PPFIBP2: variants seen among roughly 807,000 people sequenced by gnomAD.
The protein encoded by PPFIBP2 is liprin-beta-2.
In PPFIBP2, 118 loss-of-function variants were observed where a neutral mutation model predicts 118.3. The ratio of observed to expected loss-of-function variants is 1.00; its 90% CI spans 0.86 to 1.16. PPFIBP2 has a LOEUF of 1.16. Among genes scored for constraint, PPFIBP2 ranks in the 50% most tolerant of loss-of-function variants. The probability of loss-of-function intolerance (pLI) is 0.00; values close to 1 mark genes in which losing one functional copy is unlikely to be tolerated. For missense variants in PPFIBP2, 1,195 were observed against 1,073.1 expected (o/e 1.11, Z -1.59); for synonymous variants, 414 against 397.4 (o/e 1.04, Z -0.50).
At chr11:7,572,631 C>A (rs1855778155) in intron 3 of PPFIBP2, among the ~76,000 whole-genome samples, 1 of 152,212 alleles carries the variant, frequency 6.6e-6, no homozygotes, top group African/African-American at 2.4e-5. Context: ...TACCCTCCAC[C>A]TACAAAAGAA....
chr11:7,537,508 C>T (rs543670436), intron 1 of PPFIBP2, among the ~76,000 whole-genome samples: 4 of 152,336 alleles, frequency 2.6e-5, no homozygotes, highest in East Asian at 3.9e-4. Context: ...AATCTTAGAA[C>T]GTGTGAGTTA....
chr11:7,650,470 G>A (rs1033638833), intron 21 of PPFIBP2, among the ~76,000 whole-genome samples: 1 of 152,202 alleles, frequency 6.6e-6, no homozygotes, highest in Middle Eastern at 3.2e-3. Context: ...CCACACCAGG[G>A]AGATCTTTCA....
chr11:7,625,640 C>G, intron 7 of PPFIBP2, 137 bp from the exon 8 acceptor site: 1 of 661,466 alleles, frequency 1.5e-6, no homozygotes, highest in Non-Finnish European at 2.7e-6. Context: ...GGGCAGTGAG[C>G]CCCTGCTCCT....
chr11:7,550,121 A>T (rs1852798772), intron 2 of PPFIBP2, among the ~76,000 whole-genome samples: 1 of 152,210 alleles, frequency 6.6e-6, no homozygotes, highest in East Asian at 1.9e-4. Flanking sequence ...ATTTGAAAGG[A>T]CTATCAATTA....
At chr11:7,581,707 G>T (rs1038356164) in intron 3 of PPFIBP2, among the ~76,000 whole-genome samples, 6 of 152,164 alleles carry the variant, frequency 3.9e-5, no homozygotes, top group Admixed American at 3.9e-4. Context: ...TAAGAGCATG[G>T]ATCCTGGATC....
chr11:7,560,944 C>T (rs1357672700), intron 2 of PPFIBP2, among the ~76,000 whole-genome samples: 2 of 152,144 alleles, frequency 1.3e-5, no homozygotes, highest in Non-Finnish European at 2.9e-5. Flanking sequence ...CAGAACTGCC[C>T]ATATAAGAAC....
intron 7 of PPFIBP2, among the ~76,000 whole-genome samples, chr11:7,623,727 C>G (rs535912685): frequency 6.6e-6 from 1 of 152,162 alleles, no homozygotes; most frequent in Non-Finnish European, 1.5e-5. Context: ...CTAACAGAGA[C>G]GAGTGCCCAT....
chr11:7,662,787 A>G, the PPFIBP2 span, among the ~76,000 whole-genome samples: 4 of 151,936 alleles, frequency 2.6e-5, no homozygotes, highest in East Asian at 5.8e-4. Flanking sequence ...AGGTCCACCA[A>G]TCAGACATAG....
At chr11:7,537,778 T>C (rs1441227575) in intron 1 of PPFIBP2, among the ~76,000 whole-genome samples, 1 of 152,120 alleles carries the variant, frequency 6.6e-6, no homozygotes, top group African/African-American at 2.4e-5. Context: ...ATCTCAATTC[T>C]TCCCAAAGGC....
intron 3 of PPFIBP2, among the ~76,000 whole-genome samples, chr11:7,566,875 C>T (rs1272843031): frequency 4.6e-5 from 7 of 152,072 alleles, no homozygotes. Flanking sequence ...CATATTTTTC[C>T]CTGTACACCC....
downstream of PPFIBP2, among the ~76,000 whole-genome samples, chr11:7,655,088 A>G (rs1854557084): frequency 6.6e-6 from 1 of 152,098 alleles, no homozygotes; most frequent in Non-Finnish European, 1.5e-5. Context: ...CTTCATTCCT[A>G]CTGCTCTCTG....
At position 7,651,753 on chromosome 11, in the gene PPFIBP2, A is replaced by T. The variant is rs139696163; in HGVS notation, c.2345A>T (p.Asn782Ile). 5 of 1,614,026 alleles carry T rather than the reference A, an allele frequency of 3.1e-6. No homozygotes were observed. Among genetic ancestry groups the T allele is most frequent in the African/African-American group, 2.7e-5 (2 of 74,934 alleles). ...LLRRHLTTKF[N>I]ALIGPEAEQE... ...AGGCGCCACCTGACCACCAAGTTCA[A>T]TGCCTTGATTGGTCCGGAGGCTGAA... Residue 782 changes from asparagine to isoleucine, a missense_variant, in exon 23 of 24, where the codon AAT (asparagine) becomes ATT (isoleucine). Coordinates refer to ENST00000299492, the MANE Select transcript of PPFIBP2 (RefSeq NM_003621.5).
intron 5 of PPFIBP2, among the ~76,000 whole-genome samples, chr11:7,607,202 G>A (rs1403541933): frequency 2.2e-5 from 3 of 139,390 alleles, no homozygotes; most frequent in Admixed American, 7.5e-5. Context: ...GAGCCACCGC[G>A]CCCGGCCTTT....
chr11:7,559,138 A>G (rs959167502), intron 2 of PPFIBP2, among the ~76,000 whole-genome samples: 1 of 152,256 alleles, frequency 6.6e-6, no homozygotes, highest in African/African-American at 2.4e-5. Context: ...TTTGTTGCTC[A>G]AAATGAAATA....
intron 1 of PPFIBP2, among the ~76,000 whole-genome samples, chr11:7,544,394 G>A (rs188437276): frequency 7.3e-4 from 111 of 152,268 alleles, no homozygotes; most frequent in African/African-American, 2.5e-3. Context: ...CCCTCGTACA[G>A]TCCCCATGGC....
intron 23 of PPFIBP2, 64 bp downstream of exon 23, chr11:7,651,908 C>G: frequency 6.9e-7 from 1 of 1,447,490 alleles, no homozygotes; most frequent in Non-Finnish European, 9.4e-7. Context: ...CAGCACAGCA[C>G]CTGGCGCGAT....
downstream of PPFIBP2, chr11:7,653,825 T>C: frequency 2.5e-6 from 3 of 1,181,396 alleles, no homozygotes; most frequent in Non-Finnish European, 3.2e-6. Flanking sequence ...AATGGAGTCC[T>C]ACGGATTGCA....
At position 7,565,632 on chromosome 11, in the gene PPFIBP2, C is replaced by G. The variant is rs1468029104; in HGVS notation, c.144C>G (p.Phe48Leu). 14 of 1,614,090 alleles carry G rather than the reference C, an allele frequency of 8.7e-6. No individual in the cohort carries two copies. Among genetic ancestry groups the G allele is most frequent in the Non-Finnish European group, 1.2e-5 (14 of 1,180,040 alleles). Residue 48 changes from phenylalanine to leucine, a missense_variant, in exon 3 of 24, where the codon TTC (phenylalanine) becomes TTG (leucine). Transcript: ENST00000299492. ...CCCCGGCCTCCTACATGAACCCCTTCCCGGTGCTCCATCTCATCGAGGACT... is the reference window on the plus strand; with the variant it reads ...CCCCGGCCTCCTACATGAACCCCTTGCCGGTGCTCCATCTCATCGAGGACT... ...LASPASYMNPFPVLHLIEDLR... is the reference protein window; with the variant it reads ...LASPASYMNPLPVLHLIEDLR...
chr11:7,605,700 C>T (rs1847256168), intron 5 of PPFIBP2: 1 of 1,319,064 alleles, frequency 7.6e-7, no homozygotes, highest in Non-Finnish European at 9.6e-7. Flanking sequence ...AGTTGATAAA[C>T]CAGGAAAATA....
Sources: allele counts gnomAD v4.1 joint callset (sites outside exome capture counted in the v4.1 genomes callset), GRCh38; gene constraint gnomAD v4.1.1; transcripts MANE v1.5; gene names NCBI Gene and HGNC (gene_info 2026-07-23, HGNC 2026-07-21).